The following UGT1A9 variants were observed in gnomAD, a reference collection of about 807,000 sequenced individuals.
UGT1A9 encodes the protein UDP-glucuronosyltransferase 1A9.
A neutral mutation model predicts 45.0 loss-of-function variants in UGT1A9; 35 were observed. The observed-to-expected ratio is 0.78, with a 90% confidence interval of 0.59 to 1.03. The LOEUF (loss-of-function observed/expected upper bound fraction) is 1.03. Among genes scored for constraint, UGT1A9 ranks in the 50% least tolerant of loss-of-function variants. UGT1A9 has a pLI of 0.00. For synonymous variants in UGT1A9, 278 were observed against 250.6 expected (o/e 1.11, Z -1.03); for missense variants, 687 against 666.6 (o/e 1.03, Z -0.34).
intron 1 of UGT1A9, among the ~76,000 whole-genome samples, chr2:233,710,720 A>T (rs1249058463): frequency 2.0e-5 from 3 of 152,188 alleles, no homozygotes; most frequent in African/African-American, 7.2e-5. Context: ...TTCATTTTTT[A>T]AAAAACAACG....
At chr2:233,707,076 G>A (rs2075939345) in intron 1 of UGT1A9, among the ~76,000 whole-genome samples, 1 of 152,120 alleles carries the variant, frequency 6.6e-6, no homozygotes, top group African/African-American at 2.4e-5. Context: ...ATCTGCATGT[G>A]CTCCACTTTG....
intron 1 of UGT1A9, chr2:233,690,762 C>T (rs2075009022): frequency 1.3e-6 from 1 of 787,480 alleles, no homozygotes; most frequent in Non-Finnish European, 1.6e-6. Context: ...TGCAGACATA[C>T]ACACACACAC....
intron 1 of UGT1A9, chr2:233,743,575 G>A (rs1692358065): frequency 7.3e-7 from 1 of 1,367,206 alleles, no homozygotes; most frequent in East Asian, 4.5e-5. Flanking sequence ...GGTTTCCCAA[G>A]AGGTCAAAGG....
At chr2:233,701,926 T>G (rs1413982400) in intron 1 of UGT1A9, among the ~76,000 whole-genome samples, 2 of 151,800 alleles carry the variant, frequency 1.3e-5, no homozygotes, top group African/African-American at 4.8e-5. Flanking sequence ...AACATCACAA[T>G]TAAAAGAACT....
chr2:233,711,924 T>G (rs1042429850), intron 1 of UGT1A9, among the ~76,000 whole-genome samples: 1 of 152,216 alleles, frequency 6.6e-6, no homozygotes, highest in African/African-American at 2.4e-5. Context: ...GCTCAGGGTC[T>G]CTCCATTAGA....
rs963894028 is a variant in UGT1A9 at position 233,682,891 on chromosome 2, T to C, written c.855+10102T>C. The stretch of plus-strand genomic sequence containing the variant: ...ATTTATCATTTACATTTGTCCCATT[T>C]GGAATTTCTTTCTGGTTTAAGGAAT... On this transcript the variant is annotated intron_variant, in intron 1 of 4. Coordinates refer to ENST00000354728, the MANE Select transcript of UGT1A9 (RefSeq NM_021027.3). 6.6e-6 allele frequency: 10 copies of C among 1,508,600 alleles called. No individual in the cohort carries two copies. The African/African-American group carries it at 1.1e-4, about 17-fold the overall frequency. The allele number at this position is 1,508,600 out of a possible 1,614,324, so 93.5% of individuals were successfully genotyped here. A position where few individuals can be genotyped will look rare whatever the true frequency, so the allele number is the denominator to read the frequency against.
rs148565852 is a variant in UGT1A9, at chr2:233,719,296, C to T, written c.855+46507C>T. 4.0e-5 allele frequency: 64 copies of T among 1,613,940 alleles called. 1 individual carries two copies. The Admixed American group carries it at 4.5e-4, about 11-fold the overall frequency. ...ACAGACCCCGTTAACCTCTGTGGGG[C>T]GGTGCTGGCTAAGTACCTGTCGATT... On this transcript the variant is annotated intron_variant, in intron 1 of 4. Coordinates refer to ENST00000354728, the MANE Select transcript of UGT1A9 (RefSeq NM_021027.3).
At chr2:233,696,840 G>A (rs17864692) in intron 1 of UGT1A9, among the ~76,000 whole-genome samples, 7,328 of 152,214 alleles carry the variant, frequency 0.048, 193 homozygotes, top group Non-Finnish European at 0.059. Flanking sequence ...ATAAAGGGAC[G>A]TTGAATTTTG....
chr2:233,722,106 A>G, intron 1 of UGT1A9: 1 of 195,622 alleles, frequency 5.1e-6, no homozygotes, highest in South Asian at 1.0e-4. Flanking sequence ...TCTTAGAGGA[A>G]GAGCTATCAT....
chr2:233,756,944 AC>A lies in UGT1A9; in HGVS notation c.856-10087del, dbSNP rs34531096. On this transcript the variant is annotated intron_variant, in intron 1 of 4. Transcript: ENST00000354728. ...ATAACCTCTAGTTACATAACCTGAA[AC>A]CCGGACTTGGCACTTGGTAAGCACG... 8.7e-4 allele frequency among the ~76,000 whole-genome samples: 132 copies of A among 152,140 alleles called. 1 individual carries two copies. The East Asian group carries it at 0.024, about 27-fold the overall frequency.
At chr2:233,747,515 T>C in intron 1 of UGT1A9, 2 of 1,607,616 alleles carry the variant, frequency 1.2e-6, no homozygotes, top group Non-Finnish European at 1.7e-6. Context: ...AACTGTACTT[T>C]GAAACAGAAC....
chr2:233,743,711 C>T (rs765415857), intron 1 of UGT1A9: 10 of 1,367,266 alleles, frequency 7.3e-6, no homozygotes, highest in Non-Finnish European at 9.8e-6. Context: ...CCCCGCCTCG[C>T]CATAGCGGTC....
intron 4 of UGT1A9, among the ~76,000 whole-genome samples, chr2:233,768,711 T>G (rs2126041058): frequency 6.6e-6 from 1 of 151,246 alleles, no homozygotes; most frequent in South Asian, 2.1e-4. Flanking sequence ...AGCCTCCGTG[T>G]AGCTGGGATT....
intron 1 of UGT1A9, chr2:233,754,336 T>A: frequency 4.0e-6 from 1 of 251,592 alleles, no homozygotes; most frequent in Non-Finnish European, 7.8e-6. Context: ...TTAAGTTTAA[T>A]AAATAGCAAA....
At chr2:233,717,531 G>A (rs948742464) in intron 1 of UGT1A9, among the ~76,000 whole-genome samples, 1 of 152,242 alleles carries the variant, frequency 6.6e-6, no homozygotes, top group Non-Finnish European at 1.5e-5. Context: ...CTCCATAAGG[G>A]AAGCCTCAGC....
At chr2:233,719,592 C>T (rs201293328) in intron 1 of UGT1A9, 161 of 1,613,882 alleles carry the variant, frequency 1.0e-4, no homozygotes, top group Non-Finnish European at 1.2e-4. Flanking sequence ...GTGGCTGTTC[C>T]GAGGGGACTT....
At position 233,739,969 on chromosome 2, in the gene UGT1A9, C is replaced by T. The variant is rs1048693209; in HGVS notation, c.856-27065C>T. Among the ~76,000 whole-genome samples, 3 of 151,864 alleles carry T rather than the reference C, an allele frequency of 2.0e-5. No homozygotes were observed. In the East Asian group the frequency reaches 5.8e-4, roughly 29 times the overall value. ...CTGGTGGGAGCTGATTGAATCATAT[C>T]GGCAGTTTTCCCCATGCTGTTCTTG... On this transcript the variant is annotated intron_variant, in intron 1 of 4. Coordinates refer to ENST00000354728, the MANE Select transcript of UGT1A9 (RefSeq NM_021027.3).
Position 233,747,516 on chromosome 2 carries a change from G to C in UGT1A9, c.856-19518G>C, listed in dbSNP as rs1693703556. The C allele has an allele frequency of 1.9e-6, 3 of 1,607,196 alleles. 1 individual carries two copies. The African/African-American group carries it at 4.0e-5, about 22-fold the overall frequency. On this transcript the variant is annotated intron_variant, in intron 1 of 4. Coordinates refer to ENST00000354728, the MANE Select transcript of UGT1A9 (RefSeq NM_021027.3). ...GCTGGGCCACACTCAACTGTACTTT[G>C]AAACAGAACATTTTCTGAAGACATT...
chr2:233,690,405 C>T (rs1397339138), intron 1 of UGT1A9: 2 of 1,185,034 alleles, frequency 1.7e-6, no homozygotes, highest in Non-Finnish European at 1.1e-6. Flanking sequence ...CTATTCCCAA[C>T]ATGAAATTAC....
Sources: allele counts gnomAD v4.1 joint callset (sites outside exome capture counted in the v4.1 genomes callset), GRCh38; gene constraint gnomAD v4.1.1; transcripts MANE v1.5; gene names NCBI Gene and HGNC (gene_info 2026-07-23, HGNC 2026-07-21).